The following TMEM11 variants were observed in gnomAD, a reference collection of about 807,000 sequenced individuals.
TMEM11 encodes transmembrane protein 11, also known as transmembrane protein 11, mitochondrial.
Under a neutral mutation model 17.0 loss-of-function variants are expected in TMEM11, and 1 was observed. The ratio of observed to expected loss-of-function variants is 0.06; its 90% confidence interval spans 0.02 to 0.28. The LOEUF (loss-of-function observed/expected upper bound fraction) is 0.28. TMEM11 is among the 10% of genes least tolerant of loss of function. TMEM11 has a pLI of 1.00. For synonymous variants in TMEM11, 122 were observed against 118.1 expected (o/e 1.03, Z -0.21); for missense variants, 172 against 252.9 (o/e 0.68, Z 2.17).
chr17:21,208,096 C>T (rs1260944440), intron 1 of TMEM11, among the ~76,000 whole-genome samples: 1 of 150,960 alleles, frequency 6.6e-6, no homozygotes, highest in Non-Finnish European at 1.5e-5. Flanking sequence ...GGGTTCACGC[C>T]ATTCTCCTGC....
chr17:21,205,749 A>C (rs1314879599), intron 1 of TMEM11, among the ~76,000 whole-genome samples: 1 of 151,158 alleles, frequency 6.6e-6, no homozygotes, highest in Admixed American at 6.6e-5. Flanking sequence ...TCTACTTTCT[A>C]CCCCAATGAA....
chr17:21,207,290 G>A (rs986338992), intron 1 of TMEM11, among the ~76,000 whole-genome samples: 1 of 152,080 alleles, frequency 6.6e-6, no homozygotes, highest in African/African-American at 2.4e-5. Flanking sequence ...AGCACTTTGG[G>A]AGGCTGAGGT....
intron 1 of TMEM11, chr17:21,213,468 G>A (rs943684620): frequency 1.3e-5 from 2 of 152,280 alleles, no homozygotes; most frequent in East Asian, 1.9e-4. Context: ...ATTAGGAAAG[G>A]TCACTTTAAA....
At position 21,198,425 on chromosome 17, in the gene TMEM11, C is replaced by G; in HGVS notation, c.478G>C (p.Val160Leu). The change falls in exon 2 of 2, where the codon GTC becomes CTC. Residue 160 changes from valine (V) to leucine (L), a missense_variant. Transcript: ENST00000317635. The surrounding 1 kb of genome is among the most constrained non-coding windows in gnomAD (Gnocchi z 6.5). ...TTTCTGTGCAGGTCGTCCTTCCGGA[C>G]CAGCACCACCGGGGTGGAGGAGGTG... ...TLTSSTPVVL[V>L]RKDDLHRKRL... 6.2e-7 allele frequency: 1 copy of G among 1,614,226 alleles called. No homozygotes were observed. The highest frequency in any genetic ancestry group is 8.5e-7 in the Non-Finnish European group (1 of 1,180,044).
intron 1 of TMEM11, among the ~76,000 whole-genome samples, chr17:21,199,836 C>T (rs770434084): frequency 2.0e-5 from 3 of 152,196 alleles, no homozygotes; most frequent in Non-Finnish European, 2.9e-5. Context: ...GGAAAAGCGA[C>T]CCTTTCCTTG....
chr17:21,203,492 A>G (rs1377814541), intron 1 of TMEM11, among the ~76,000 whole-genome samples: 1 of 122,390 alleles, frequency 8.2e-6, no homozygotes, highest in African/African-American at 2.6e-5. Flanking sequence ...AAAGGTGTGC[A>G]GATCACTTGA....
intron 1 of TMEM11, chr17:21,213,693 A>T: frequency 4.7e-6 from 1 of 214,680 alleles, no homozygotes; most frequent in Non-Finnish European, 9.3e-6. Context: ...CTTCCTCTAC[A>T]CGTCTGGGGC....
intron 1 of TMEM11, among the ~76,000 whole-genome samples, chr17:21,208,945 T>C (rs1390604025): frequency 6.6e-6 from 1 of 152,222 alleles, no homozygotes; most frequent in East Asian, 1.9e-4. Context: ...AAAGGGTCAC[T>C]TGATCACCTA....
chr17:21,201,818 G>A (rs59916519), intron 1 of TMEM11, among the ~76,000 whole-genome samples: 57,998 of 152,058 alleles, frequency 0.38, 12,771 homozygotes, highest in Non-Finnish European at 0.49. Context: ...TTGTTGTACA[G>A]ATGGGGTTAT....
chr17:21,198,209 A>C lies in TMEM11; in HGVS notation c.*115T>G. On this transcript the variant is annotated 3_prime_UTR_variant, in exon 2 of 2. Transcript: ENST00000317635. This position sits in a 1 kb window ranked among gnomAD's most constrained non-coding sequence, Gnocchi z 6.5. ...GATCTGTTATTTTTTAAAAATAACAAATACTAAGCCAAACACCTGCCCAGG... is the reference window on the plus strand; with the variant it reads ...GATCTGTTATTTTTTAAAAATAACACATACTAAGCCAAACACCTGCCCAGG... 1 of 1,344,656 alleles carries C rather than the reference A, an allele frequency of 7.4e-7. No individual in the cohort carries two copies. Among genetic ancestry groups the C allele is most frequent in the South Asian group, 1.4e-5 (1 of 70,166 alleles). 83.3% of individuals were successfully genotyped at this position (1,344,656 alleles called of 1,614,324 possible).
At chr17:21,204,699 G>T in intron 1 of TMEM11, among the ~76,000 whole-genome samples, 1 of 152,078 alleles carries the variant, frequency 6.6e-6, no homozygotes, top group East Asian at 1.9e-4. Context: ...GCTCTTTCTA[G>T]TAAATGACTT....
rs544069869 is a variant in TMEM11, at chr17:21,198,259, G to A, written c.*65C>T. On this transcript the variant is annotated 3_prime_UTR_variant, in exon 2 of 2. Transcript: ENST00000317635. The surrounding 1 kb of genome is among the most constrained non-coding windows in gnomAD (Gnocchi z 6.5). ...GCTCTGCTGCCTCACAGAGTGTGGC[G>A]ATCTGAATACTCTGTTGTCTCTTGT... The A allele has an allele frequency of 1.7e-5, 26 of 1,542,706 alleles. No homozygotes were observed. The South Asian group carries it at 2.6e-4, about 16-fold the overall frequency.
intron 1 of TMEM11, among the ~76,000 whole-genome samples, chr17:21,200,024 G>A (rs936714951): frequency 1.3e-5 from 2 of 152,174 alleles, no homozygotes; most frequent in African/African-American, 4.8e-5. Context: ...CACTGCCACG[G>A]AGACCACACA....
At chr17:21,213,819 C>T in intron 1 of TMEM11, 1 of 490,458 alleles carries the variant, frequency 2.0e-6, no homozygotes, top group Non-Finnish European at 3.6e-6. Flanking sequence ...TTCCTTTCAG[C>T]ACGGCCCGGC....
chr17:21,210,413 A>G (rs1019759828), intron 1 of TMEM11, among the ~76,000 whole-genome samples: 3 of 152,184 alleles, frequency 2.0e-5, no homozygotes, highest in Admixed American at 2.0e-4. Context: ...CAGATCCCGT[A>G]TCTGCTCATC....
chr17:21,199,162 T>C (rs1189037670), intron 1 of TMEM11, among the ~76,000 whole-genome samples: 1 of 150,444 alleles, frequency 6.6e-6, no homozygotes, highest in Non-Finnish European at 1.5e-5. Context: ...CTACTAAAGA[T>C]ACAAAAAAAA....
At chr17:21,199,207 C>T (rs7219160) in intron 1 of TMEM11, among the ~76,000 whole-genome samples, 3,772 of 151,266 alleles carry the variant, frequency 0.025, 154 homozygotes, top group African/African-American at 0.085. Context: ...CCTATAATCC[C>T]TGTAATCTAC....
At chr17:21,204,160 G>A (rs187948989) in intron 1 of TMEM11, among the ~76,000 whole-genome samples, 16 of 150,202 alleles carry the variant, frequency 1.1e-4, no homozygotes, top group Non-Finnish European at 1.8e-4. Context: ...GTGGCCAGGT[G>A]CAGTGGCTCA....
chr17:21,213,749 C>G, intron 1 of TMEM11: 1 of 307,008 alleles, frequency 3.3e-6, no homozygotes, highest in Non-Finnish European at 6.1e-6. Context: ...AAGGGTGCTT[C>G]AGCAGCCGAT....
Sources: gnomAD v4.1 joint callset for allele counts (sites outside exome capture counted in the v4.1 genomes callset) on GRCh38, gnomAD v4.1.1 for gene constraint, Gnocchi (gnomAD v3.1) non-coding constraint, MANE v1.5 for transcripts, NCBI Gene and HGNC (gene_info 2026-07-23, HGNC 2026-07-21) for gene names.